Variants in ATXN7L1 observed in about 807,000 individuals in gnomAD.
The protein encoded by ATXN7L1 is ataxin-7-like protein 1.
In ATXN7L1, 15 loss-of-function variants were observed where a neutral mutation model predicts 70.8. The ratio of observed to expected loss-of-function variants is 0.21; its 90% CI spans 0.14 to 0.33. The LOEUF is 0.33. Ranked by LOEUF, ATXN7L1 falls within the 10% of genes least tolerant of loss-of-function variation. The pLI is 1.00. For synonymous variants in ATXN7L1, 440 were observed against 445.1 expected (o/e 0.99, Z 0.14); for missense variants, 975 against 1,097.1 (o/e 0.89, Z 1.57).
intron 2 of ATXN7L1, among the ~76,000 whole-genome samples, chr7:105,812,148 G>A (rs998144376): frequency 3.3e-5 from 5 of 152,232 alleles, no homozygotes; most frequent in East Asian, 3.9e-4. Flanking sequence ...CTCCTATCCC[G>A]GGGTTGATGG....
intron 2 of ATXN7L1, among the ~76,000 whole-genome samples, chr7:105,810,035 G>A (rs1348629170): frequency 3.3e-5 from 5 of 152,214 alleles, no homozygotes; most frequent in African/African-American, 1.2e-4. Flanking sequence ...GCCTCCCAAA[G>A]TGTTGAGACT....
chr7:105,614,164 C>T lies in ATXN7L1; in HGVS notation c.2170G>A (p.Gly724Ser), dbSNP rs1019594565. Residue 724 changes from glycine (G) to serine (S), a missense_variant, in exon 10 of 12, where the codon GGC becomes AGC. Gly to Ser is a moderately conservative substitution (Grantham distance 56). Coordinates refer to ENST00000419735, the MANE Select transcript of ATXN7L1 (RefSeq NM_020725.2). This position sits in a 1 kb window ranked among gnomAD's most constrained non-coding sequence, Gnocchi z 4.3. ...LEPSGRTSLPGGPADIVRQVG... is the reference protein window; with the variant it reads ...LEPSGRTSLPSGPADIVRQVG... ...TGTCTCACTATGTCCGCGGGGCCGC[C>T]GGGCAGCGAGGTCCGTCCTGAGGGC... 40 of 1,551,542 alleles carry T rather than the reference C, an allele frequency of 2.6e-5. No individual in the cohort carries two copies. Among genetic ancestry groups the T allele is most frequent in the East Asian group, 7.3e-5 (3 of 40,916 alleles).
intron 4 of ATXN7L1, among the ~76,000 whole-genome samples, chr7:105,647,224 C>T (rs759601158): frequency 2.0e-4 from 30 of 152,266 alleles, no homozygotes; most frequent in African/African-American, 6.5e-4. Flanking sequence ...TGAGCTGGTA[C>T]GAGTTAACAT....
rs1793938591 is a variant in ATXN7L1, at chr7:105,711,729, C to T, written c.356-46441G>A. On this transcript the variant is annotated intron_variant, in intron 3 of 11. Coordinates refer to ENST00000419735, the MANE Select transcript of ATXN7L1 (RefSeq NM_020725.2). ...ACGGCTACTTTCATGGTGTTGAGTGCCTGTGGCACTTCCAGGCGCATGGTG... is the reference window on the plus strand; with the variant it reads ...ACGGCTACTTTCATGGTGTTGAGTGTCTGTGGCACTTCCAGGCGCATGGTG... Among the ~76,000 whole-genome samples, 3 of 152,322 alleles carry T rather than the reference C, an allele frequency of 2.0e-5. No homozygotes were observed. In the South Asian group the frequency reaches 6.2e-4, roughly 32 times the overall value.
At chr7:105,801,557 T>A (rs1441364954) in intron 2 of ATXN7L1, among the ~76,000 whole-genome samples, 4 of 152,234 alleles carry the variant, frequency 2.6e-5, no homozygotes. Flanking sequence ...ATATGGAACT[T>A]CTTGCTAGTT....
intron 2 of ATXN7L1, among the ~76,000 whole-genome samples, chr7:105,820,966 C>T (rs1017958897): frequency 6.6e-5 from 10 of 152,176 alleles, no homozygotes; most frequent in South Asian, 4.1e-4. Flanking sequence ...TACCAGATGC[C>T]GAGCAGGTGT....
intron 3 of ATXN7L1, among the ~76,000 whole-genome samples, chr7:105,754,438 C>T (rs958777364): frequency 6.6e-6 from 1 of 151,660 alleles, no homozygotes; most frequent in Non-Finnish European, 1.5e-5. Context: ...CACTCTGCTG[C>T]CCAGGCTGAA....
chr7:105,627,752 G>A (rs527481572), intron 7 of ATXN7L1, among the ~76,000 whole-genome samples: 2 of 150,856 alleles, frequency 1.3e-5, no homozygotes, highest in East Asian at 2.0e-4. Flanking sequence ...GGCTGGTCTC[G>A]AACTCCTGAC....
intron 3 of ATXN7L1, among the ~76,000 whole-genome samples, chr7:105,707,047 T>C (rs528606656): frequency 5.3e-5 from 8 of 152,336 alleles, no homozygotes; most frequent in African/African-American, 1.9e-4. Flanking sequence ...TGCACAGCAT[T>C]TAGCACTTCT....
chr7:105,754,834 T>C (rs928973792), intron 3 of ATXN7L1, among the ~76,000 whole-genome samples: 6 of 152,190 alleles, frequency 3.9e-5, no homozygotes, highest in Non-Finnish European at 8.8e-5. Flanking sequence ...GAATTGAGAA[T>C]TGAATGGTAA....
intron 2 of ATXN7L1, among the ~76,000 whole-genome samples, chr7:105,849,865 C>T (rs924845855): frequency 1.3e-5 from 2 of 152,214 alleles, no homozygotes; most frequent in East Asian, 3.8e-4. Context: ...TCACACATAC[C>T]TGCACCTTCT....
chr7:105,832,315 G>C (rs1430283677), intron 2 of ATXN7L1, among the ~76,000 whole-genome samples: 2 of 152,140 alleles, frequency 1.3e-5, no homozygotes, highest in Non-Finnish European at 2.9e-5. Context: ...GGAAACTCAA[G>C]AGCTCTGAAA....
rs540523764 is a variant in ATXN7L1 at position 105,761,548 on chromosome 7, A to G, written c.355+27056T>C. 76 of 1,532,824 alleles carry G rather than the reference A, an allele frequency of 5.0e-5. No homozygotes were observed. In the South Asian group the frequency reaches 8.9e-4, roughly 18 times the overall value. 95.0% of individuals were successfully genotyped at this position (1,532,824 alleles called of 1,614,324 possible). On this transcript the variant is annotated intron_variant, in intron 3 of 11. Coordinates refer to ENST00000419735, the MANE Select transcript of ATXN7L1 (RefSeq NM_020725.2). The stretch of plus-strand genomic sequence containing the variant: ...AAATTATATTTGTAAATGATTACTC[A>G]TGCCAATTGCCATGTTTCCCCCTAA...
intron 4 of ATXN7L1, among the ~76,000 whole-genome samples, chr7:105,664,217 G>A (rs575005312): frequency 3.3e-5 from 5 of 151,912 alleles, no homozygotes; most frequent in South Asian, 2.1e-4. Context: ...CCAGTGTTGC[G>A]GGTAGGGCCG....
At chr7:105,850,589 C>T (rs1814727747) in intron 2 of ATXN7L1, among the ~76,000 whole-genome samples, 1 of 152,244 alleles carries the variant, frequency 6.6e-6, no homozygotes, top group African/African-American at 2.4e-5. Flanking sequence ...ACCCAGATCT[C>T]TCTGACTTAA....
rs572416914 is a variant in ATXN7L1, at chr7:105,719,010, T to A, written c.356-53722A>T. On this transcript the variant is annotated intron_variant, in intron 3 of 11. Transcript: ENST00000419735. ...GGGCCTGTTGTGTTTCCATGTTACATCCTGATTCCAGGATGAGCAAGACTA... is the reference window on the plus strand; with the variant it reads ...GGGCCTGTTGTGTTTCCATGTTACAACCTGATTCCAGGATGAGCAAGACTA... 1.1e-4 allele frequency among the ~76,000 whole-genome samples: 17 copies of A among 152,246 alleles called. No individual in the cohort carries two copies. The South Asian group carries it at 3.5e-3, about 32-fold the overall frequency.
At chr7:105,747,236 AG>A (rs1312592609) in intron 3 of ATXN7L1, among the ~76,000 whole-genome samples, 10 of 152,132 alleles carry the variant, frequency 6.6e-5, no homozygotes, top group African/African-American at 2.4e-4. Context: ...AACCTCTGGG[AG>A]GGGAGAGAGG....
chr7:105,714,093 C>G (rs899134824), intron 3 of ATXN7L1, among the ~76,000 whole-genome samples: 1 of 152,246 alleles, frequency 6.6e-6, no homozygotes, highest in Non-Finnish European at 1.5e-5. Flanking sequence ...CTCCACAACT[C>G]TATATAGTAG....
At chr7:105,618,017 T>C (rs1364379819) in intron 9 of ATXN7L1, 4 of 456,620 alleles carry the variant, frequency 8.8e-6, no homozygotes, top group African/African-American at 8.0e-5. Context: ...AGCCCCAATG[T>C]TGCTCAGTGA....
Sources: gnomAD v4.1 joint callset for allele counts (sites outside exome capture counted in the v4.1 genomes callset) on GRCh38, gnomAD v4.1.1 for gene constraint, Gnocchi (gnomAD v3.1) non-coding constraint, MANE v1.5 for transcripts, NCBI Gene and HGNC (gene_info 2026-07-23, HGNC 2026-07-21) for gene names.